The following SNX6 variants were observed in gnomAD, a reference collection of about 807,000 sequenced individuals.
SNX6 encodes sorting nexin-6.
A neutral mutation model predicts 63.0 loss-of-function variants in SNX6; 34 were observed. That is an observed-to-expected ratio of 0.54 (90% CI 0.41 to 0.72). The LOEUF (loss-of-function observed/expected upper bound fraction) is 0.72, where lower values mean the gene tolerates loss of function less well. SNX6 is among the 30% of genes least tolerant of loss of function. SNX6 has a pLI of 0.00. For synonymous variants in SNX6, 170 were observed against 164.2 expected (o/e 1.04, Z -0.27); for missense variants, 398 against 471.4 (o/e 0.84, Z 1.44).
chr14:34,604,052 G>GA (rs1882924344), intron 5 of SNX6: 2 of 972,900 alleles, frequency 2.1e-6, no homozygotes, highest in Non-Finnish European at 2.6e-6. Flanking sequence ...TGTCAGTTTG[G>GA]GGGAAAAAAA....
intron 2 of SNX6, among the ~76,000 whole-genome samples, chr14:34,613,817 CAG>C (rs1883320649): frequency 6.9e-6 from 1 of 145,908 alleles, no homozygotes; most frequent in African/African-American, 2.5e-5. Flanking sequence ...AAACAAAAAA[CAG>C]AATCTGGGGC....
intron 11 of SNX6, chr14:34,569,269 T>C (rs1324597910): frequency 5.8e-6 from 3 of 514,384 alleles, no homozygotes; most frequent in African/African-American, 5.8e-5. Context: ...CTCACAGAAC[T>C]GAGGATCACC....
chr14:34,564,322 C>T (rs1881070820), intron 13 of SNX6, among the ~76,000 whole-genome samples: 1 of 152,102 alleles, frequency 6.6e-6, no homozygotes, highest in African/African-American at 2.4e-5. Context: ...GCCATGGCAC[C>T]CAGCCTTCAC....
intron 2 of SNX6, among the ~76,000 whole-genome samples, chr14:34,617,878 A>G (rs1594748655): frequency 6.6e-6 from 1 of 150,872 alleles, no homozygotes; most frequent in South Asian, 2.1e-4. Flanking sequence ...CCAAGATTGC[A>G]CCACTGCACT....
intron 2 of SNX6, among the ~76,000 whole-genome samples, chr14:34,624,830 C>T (rs1297564728): frequency 6.6e-6 from 1 of 152,122 alleles, no homozygotes; most frequent in Non-Finnish European, 1.5e-5. Context: ...TTACTTGCTG[C>T]TTTACATGAA....
chr14:34,627,634 C>G (rs1594756027), intron 2 of SNX6, among the ~76,000 whole-genome samples: 1 of 152,074 alleles, frequency 6.6e-6, no homozygotes, highest in African/African-American at 2.4e-5. Context: ...GAATTACAGG[C>G]ATGCGCCACC....
chr14:34,587,532 C>CAAAAAAAAA (rs34380966), intron 8 of SNX6, among the ~76,000 whole-genome samples: 1 of 57,830 alleles, frequency 1.7e-5, no homozygotes, highest in African/African-American at 7.2e-5. Flanking sequence ...GACTCCATCT[C>CAAAAAAAAA]AAAAAAAAAA....
chr14:34,605,872 A>C (rs1882996230), intron 4 of SNX6, among the ~76,000 whole-genome samples, 155 bp from the exon 5 acceptor site: 1 of 152,094 alleles, frequency 6.6e-6, no homozygotes, highest in African/African-American at 2.4e-5. Flanking sequence ...GAACTTGACT[A>C]GTTGTAGAAA....
rs546636614 is a variant in SNX6 at position 34,575,638 on chromosome 14, T to G, written c.921+118A>C. On this transcript the variant is annotated intron_variant, in intron 11 of 13. Transcript: ENST00000362031. ...TAAAAGGAGAAATAGAATTCATATTTGAAAATATAATTTAAAATCATATAA... is the reference window on the plus strand; with the variant it reads ...TAAAAGGAGAAATAGAATTCATATTGGAAAATATAATTTAAAATCATATAA... 4.3e-5 allele frequency: 20 copies of G among 469,190 alleles called. 1 individual carries two copies. The East Asian group carries it at 7.6e-4, about 18-fold the overall frequency. 29.1% of individuals were successfully genotyped at this position (469,190 alleles called of 1,614,324 possible). A position where few individuals can be genotyped will look rare whatever the true frequency, so the allele number is the denominator to read the frequency against.
chr14:34,575,756 C>T lies in SNX6; in HGVS notation c.921G>A (p.Lys307=). 6.4e-7 allele frequency: 1 copy of T among 1,552,748 alleles called. No individual in the cohort carries two copies. The change falls in exon 11 of 14, where the codon AAG becomes AAA. Residue 307 remains lysine, a splice_region_variant and synonymous_variant. Coordinates refer to ENST00000362031, the MANE Select transcript of SNX6 (RefSeq NM_152233.4). ...KYYLRESQAA[K]DLLYRRSRSL... ...TCATTTAAAAAAAGATTAAAATTAC[C>T]TTAGCAGCTTGAGATTCTCTTAAGT...
At chr14:34,592,388 GAA>G (rs917864990) in intron 8 of SNX6, among the ~76,000 whole-genome samples, 1 of 146,894 alleles carries the variant, frequency 6.8e-6, no homozygotes, top group African/African-American at 2.5e-5. Flanking sequence ...CTGTCTCAAA[GAA>G]AAAAAAAAGA....
At chr14:34,567,175 A>C (rs143691219) in intron 13 of SNX6, among the ~76,000 whole-genome samples, 98 of 148,680 alleles carry the variant, frequency 6.6e-4, no homozygotes, top group African/African-American at 2.0e-3. Context: ...GGAGGTCTCA[A>C]AACAAAACAA....
rs138051364 is a variant in SNX6 at position 34,573,023 on chromosome 14, C to T, written c.921+2733G>A. Among the ~76,000 whole-genome samples, 4 of 152,148 alleles carry T rather than the reference C, an allele frequency of 2.6e-5. 1 individual carries two copies. The highest frequency in any genetic ancestry group is 9.6e-5 in the African/African-American group (4 of 41,534). On this transcript the variant is annotated intron_variant, in intron 11 of 13. Coordinates refer to ENST00000362031, the MANE Select transcript of SNX6 (RefSeq NM_152233.4). Reference sequence around the variant, plus strand: ...AAAAGACAAGGTCTTACTCTGTTGTCCAGGCAACAGTATACAGTGGCAATC... The same window carrying T: ...AAAAGACAAGGTCTTACTCTGTTGTTCAGGCAACAGTATACAGTGGCAATC...
chr14:34,627,130 C>A (rs1349295354), intron 2 of SNX6, among the ~76,000 whole-genome samples: 2 of 152,066 alleles, frequency 1.3e-5, no homozygotes, highest in South Asian at 4.1e-4. Context: ...CAGGTATATA[C>A]CACCAAGCTT....
chr14:34,629,806 A>G, intron 2 of SNX6, 101 bp downstream of exon 2: 6 of 1,493,072 alleles, frequency 4.0e-6, no homozygotes, highest in Non-Finnish European at 5.4e-6. Flanking sequence ...ACGGGGAGGG[A>G]GTGCCGCGCG....
chr14:34,621,888 A>G (rs1301416864), intron 2 of SNX6, among the ~76,000 whole-genome samples: 2 of 151,198 alleles, frequency 1.3e-5, no homozygotes, highest in African/African-American at 4.9e-5. Flanking sequence ...TCTGAAAGGA[A>G]GCATCAATCT....
chr14:34,588,121 C>T (rs1203277219), intron 8 of SNX6, among the ~76,000 whole-genome samples: 1 of 151,910 alleles, frequency 6.6e-6, no homozygotes, highest in African/African-American at 2.4e-5. Context: ...CATTCTCCTG[C>T]CTCAGCCTCT....
intron 2 of SNX6, among the ~76,000 whole-genome samples, chr14:34,626,734 T>C (rs1327993560): frequency 2.0e-5 from 3 of 151,516 alleles, no homozygotes; most frequent in South Asian, 2.1e-4. Flanking sequence ...TGAGCAAATC[T>C]TTCTGAAGGC....
intron 7 of SNX6, among the ~76,000 whole-genome samples, chr14:34,594,018 T>C (rs1006716101): frequency 1.3e-5 from 2 of 152,106 alleles, no homozygotes; most frequent in African/African-American, 4.8e-5. Flanking sequence ...GCCACCGCAC[T>C]TGGCCTCACA....
Sources: gnomAD v4.1 joint callset for allele counts (sites outside exome capture counted in the v4.1 genomes callset) on GRCh38, gnomAD v4.1.1 for gene constraint, MANE v1.5 for transcripts, NCBI Gene and HGNC (gene_info 2026-07-23, HGNC 2026-07-21) for gene names.